The following GPC6 variants were observed in gnomAD, a reference collection of about 807,000 sequenced individuals.
GPC6 encodes glypican-6.
Under a neutral mutation model 55.2 loss-of-function variants are expected in GPC6, and 14 were observed. The observed-to-expected ratio is 0.25, with a 90% CI of 0.17 to 0.40. The LOEUF (loss-of-function observed/expected upper bound fraction) is 0.40, where lower values mean the gene tolerates loss of function less well. Ranked by LOEUF, GPC6 falls within the 10% of genes least tolerant of loss-of-function variation. The pLI, the probability that GPC6 is intolerant of heterozygous loss-of-function variation, is 1.00. For synonymous variants in GPC6, 278 were observed against 259.6 expected, an observed-to-expected ratio of 1.07 and a Z score of -0.68; for missense variants, 641 against 708.5, an observed-to-expected ratio of 0.90 and a Z score of 1.08.
chr13:93,513,103 G>A (rs949462315), intron 1 of GPC6, among the ~76,000 whole-genome samples: 4 of 152,160 alleles, frequency 2.6e-5, no homozygotes, highest in African/African-American at 4.8e-5. Flanking sequence ...ACAAACTTGA[G>A]TCCCTGGAAT....
intron 4 of GPC6, among the ~76,000 whole-genome samples, chr13:94,074,296 T>C (rs991346346): frequency 4.6e-5 from 7 of 152,234 alleles, no homozygotes; most frequent in African/African-American, 1.7e-4. Flanking sequence ...ATTCCTCTGT[T>C]TCAAGAGCAT....
At chr13:93,778,395 G>T (rs1461984997) in intron 2 of GPC6, among the ~76,000 whole-genome samples, 1 of 151,980 alleles carries the variant, frequency 6.6e-6, no homozygotes, top group Admixed American at 6.6e-5. Context: ...TAGACTAACT[G>T]GTGCTCAAAT....
intron 1 of GPC6, among the ~76,000 whole-genome samples, chr13:93,388,798 A>G (rs1875503276): frequency 6.6e-6 from 1 of 152,196 alleles, no homozygotes; most frequent in Non-Finnish European, 1.5e-5. Context: ...ACTAGAATGT[A>G]AGCTCCCTCA....
intron 3 of GPC6, among the ~76,000 whole-genome samples, chr13:93,848,922 C>T (rs1227020842): frequency 6.6e-6 from 1 of 152,100 alleles, no homozygotes; most frequent in Non-Finnish European, 1.5e-5. Flanking sequence ...ATCCACTGAC[C>T]ACCATATCTC....
At chr13:94,124,875 T>C (rs1886752967) in intron 4 of GPC6, among the ~76,000 whole-genome samples, 1 of 152,130 alleles carries the variant, frequency 6.6e-6, no homozygotes, top group East Asian at 1.9e-4. Context: ...CCAAATGGAA[T>C]GGCAAGAAGG....
At chr13:93,931,483 C>T (rs1434847297) in intron 3 of GPC6, among the ~76,000 whole-genome samples, 1 of 150,670 alleles carries the variant, frequency 6.6e-6, no homozygotes, top group South Asian at 2.1e-4. Flanking sequence ...GTGGGCCAGG[C>T]GTAGTGGCTC....
At chr13:93,326,485 G>A (rs1264858932) in intron 1 of GPC6, among the ~76,000 whole-genome samples, 1 of 152,096 alleles carries the variant, frequency 6.6e-6, no homozygotes, top group Non-Finnish European at 1.5e-5. Flanking sequence ...CGCAGTTCAA[G>A]CTTTAGAAGA....
At chr13:93,375,883 T>C (rs1043682949) in intron 1 of GPC6, among the ~76,000 whole-genome samples, 2 of 152,174 alleles carry the variant, frequency 1.3e-5, no homozygotes, top group African/African-American at 4.8e-5. Context: ...GGAAAATATA[T>C]AACGGAGGAA....
chr13:94,272,704 A>G (rs576569056), intron 4 of GPC6, among the ~76,000 whole-genome samples: 18 of 152,044 alleles, frequency 1.2e-4, no homozygotes, highest in East Asian at 5.8e-4. Context: ...TCCTGACCTC[A>G]TAATCCGCCC....
At chr13:93,706,692 G>T (rs1032073759) in intron 2 of GPC6, among the ~76,000 whole-genome samples, 1 of 151,852 alleles carries the variant, frequency 6.6e-6, no homozygotes, top group East Asian at 1.9e-4. Flanking sequence ...GAACCCAGGA[G>T]TTGGGGTCCA....
intron 5 of GPC6, among the ~76,000 whole-genome samples, chr13:94,301,244 C>T (rs1023694498): frequency 1.3e-5 from 2 of 151,992 alleles, no homozygotes; most frequent in African/African-American, 4.8e-5. Context: ...TAAGAGACAT[C>T]CATTAGCAGG....
intron 1 of GPC6, among the ~76,000 whole-genome samples, chr13:93,405,568 T>C (rs1017715079): frequency 6.6e-6 from 1 of 152,190 alleles, no homozygotes; most frequent in Non-Finnish European, 1.5e-5. Context: ...GTGCATTTCC[T>C]TGAATGGAAC....
chr13:93,637,849 A>G (rs1357862699), intron 2 of GPC6, among the ~76,000 whole-genome samples: 2 of 152,136 alleles, frequency 1.3e-5, no homozygotes, highest in Non-Finnish European at 2.9e-5. Context: ...TTTCTTGAAG[A>G]AATAGAATAA....
At chr13:93,784,997 A>G (rs1480901469) in intron 2 of GPC6, among the ~76,000 whole-genome samples, 2 of 152,206 alleles carry the variant, frequency 1.3e-5, no homozygotes, top group Admixed American at 6.5e-5. Context: ...GACAGGAATA[A>G]AAAGGAATAT....
At chr13:93,944,043 A>G (rs1284470269) in intron 3 of GPC6, among the ~76,000 whole-genome samples, 1 of 152,134 alleles carries the variant, frequency 6.6e-6, no homozygotes, top group Non-Finnish European at 1.5e-5. Context: ...CTAGCGCTAC[A>G]TGCTTCTTCT....
At chr13:93,305,413 A>T (rs1446090870) in intron 1 of GPC6, among the ~76,000 whole-genome samples, 1 of 152,160 alleles carries the variant, frequency 6.6e-6, no homozygotes, top group Admixed American at 6.5e-5. Flanking sequence ...AGTAAATAGG[A>T]GAACAGGATT....
At chr13:94,318,114 G>A (rs17175245) in intron 6 of GPC6, among the ~76,000 whole-genome samples, 1 of 152,114 alleles carries the variant, frequency 6.6e-6, no homozygotes, top group Non-Finnish European at 1.5e-5. Context: ...CACCGCTCTC[G>A]GCTTCATGGA....
chr13:93,241,284 G>A (rs764097426), intron 1 of GPC6, among the ~76,000 whole-genome samples: 4 of 152,046 alleles, frequency 2.6e-5, no homozygotes, highest in Non-Finnish European at 5.9e-5. Flanking sequence ...ATGATTATAG[G>A]GTTTGGATGT....
At chr13:94,367,718 C>G (rs1879343914) in intron 6 of GPC6, among the ~76,000 whole-genome samples, 1 of 151,946 alleles carries the variant, frequency 6.6e-6, no homozygotes, top group South Asian at 2.1e-4. Context: ...AACACATTCT[C>G]AATTCCCTAC....
Sources: allele counts gnomAD v4.1 joint callset (sites outside exome capture counted in the v4.1 genomes callset), GRCh38; gene constraint gnomAD v4.1.1; transcripts MANE v1.5; gene names NCBI Gene and HGNC (gene_info 2026-07-23, HGNC 2026-07-21).